AR: variants seen among roughly 807,000 people sequenced by gnomAD.
AR encodes dihydrotestosterone receptor.
Under a neutral mutation model 53.9 loss-of-function variants are expected in AR, and 8 were observed. The observed-to-expected ratio is 0.15, with a 90% CI of 0.09 to 0.27. The LOEUF is 0.27. Among genes scored for constraint, AR ranks in the 10% least tolerant of loss-of-function variants. AR has a pLI of 1.00. For synonymous variants in AR, 359 were observed against 316.4 expected (o/e 1.13, Z -1.43); for missense variants, 639 against 742.5 (o/e 0.86, Z 1.62).
At chrX:67,599,200 A>G (rs1164054231) in intron 1 of AR, among the ~76,000 whole-genome samples, 6 of 112,130 alleles carry the variant, frequency 5.4e-5, no homozygotes, top group African/African-American at 9.7e-5. Flanking sequence ...AATCTAAGTT[A>G]CGTAGGTAAT....
intron 1 of AR, among the ~76,000 whole-genome samples, chrX:67,574,588 T>C (rs1454975756): frequency 9.0e-6 from 1 of 111,572 alleles, no homozygotes; most frequent in Non-Finnish European, 1.9e-5. Context: ...ACTAGCTTTG[T>C]AGCAGAAGTT....
At chrX:67,703,100 A>G (rs1238454258) in intron 3 of AR, among the ~76,000 whole-genome samples, 1 of 111,787 alleles carries the variant, frequency 8.9e-6, no homozygotes, top group Non-Finnish European at 1.9e-5. Context: ...AAACTAAAAA[A>G]AAAGTCAGTT....
At chrX:67,635,330 C>G (rs1367250190) in intron 1 of AR, among the ~76,000 whole-genome samples, 1 of 110,970 alleles carries the variant, frequency 9.0e-6, no homozygotes, top group African/African-American at 3.3e-5. Context: ...ATTATTTCAC[C>G]CAAAGTTCAG....
chrX:67,570,753 A>G (rs758732270), intron 1 of AR, among the ~76,000 whole-genome samples: 10 of 110,826 alleles, frequency 9.0e-5, no homozygotes, highest in Non-Finnish European at 1.1e-4. Context: ...CTTATTTGTG[A>G]TAAGAATTAC....
intron 2 of AR, among the ~76,000 whole-genome samples, chrX:67,684,604 G>A (rs2075955466): frequency 1.8e-5 from 2 of 111,094 alleles, no homozygotes; most frequent in South Asian, 3.8e-4. Context: ...AGGAAGGAAA[G>A]AAGAAAGGAA....
intron 2 of AR, among the ~76,000 whole-genome samples, chrX:67,680,462 GCTT>G (rs2075926515): frequency 8.9e-6 from 1 of 111,829 alleles, no homozygotes; most frequent in Non-Finnish European, 1.9e-5. Context: ...TTGAAATATT[GCTT>G]CTTCTTAGCC....
chrX:67,622,593 C>A (rs1924433602), intron 1 of AR, among the ~76,000 whole-genome samples: 1 of 111,766 alleles, frequency 8.9e-6, no homozygotes, highest in African/African-American at 3.3e-5. Flanking sequence ...AGTAATTGTT[C>A]TATTCATGGT....
chrX:67,600,482 C>T (rs1461943536), intron 1 of AR, among the ~76,000 whole-genome samples: 1 of 110,284 alleles, frequency 9.1e-6, no homozygotes, highest in Non-Finnish European at 1.9e-5. Context: ...TCTGTGGAAT[C>T]TAAAAATCAA....
At chrX:67,603,759 A>G (rs1038155259) in intron 1 of AR, among the ~76,000 whole-genome samples, 1 of 111,715 alleles carries the variant, frequency 9.0e-6, no homozygotes, top group African/African-American at 3.3e-5. Flanking sequence ...AAATTCTAGC[A>G]ATAGTGTAGA....
At chrX:67,554,253 A>G (rs1369158916) in intron 1 of AR, among the ~76,000 whole-genome samples, 2 of 112,124 alleles carry the variant, frequency 1.8e-5, no homozygotes, top group African/African-American at 3.2e-5. Context: ...AGAGGTGACA[A>G]ATGAAATCAC....
At chrX:67,579,365 G>T (rs762226432) in intron 1 of AR, among the ~76,000 whole-genome samples, 4 of 111,141 alleles carry the variant, frequency 3.6e-5, no homozygotes, top group African/African-American at 1.3e-4. Context: ...AGATTGGGTG[G>T]GCAGACACCT....
intron 2 of AR, among the ~76,000 whole-genome samples, chrX:67,671,478 C>G (rs1237607604): frequency 9.4e-6 from 1 of 106,708 alleles, no homozygotes; most frequent in Non-Finnish European, 2.0e-5. Context: ...GTTTAAGTTC[C>G]TTGTCGATTC....
At chrX:67,559,772 C>T (rs1047233249) in intron 1 of AR, among the ~76,000 whole-genome samples, 4 of 111,783 alleles carry the variant, frequency 3.6e-5, no homozygotes, top group African/African-American at 9.8e-5. Flanking sequence ...ACTGCATAAA[C>T]CAAGAGTTGA....
chrX:67,624,204 G>A (rs1384732648), intron 1 of AR, among the ~76,000 whole-genome samples: 2 of 111,625 alleles, frequency 1.8e-5, no homozygotes, highest in Admixed American at 9.5e-5. Context: ...TTCAACGTGC[G>A]ATTTGGATGG....
intron 1 of AR, among the ~76,000 whole-genome samples, chrX:67,631,887 A>C (rs1434176011): frequency 8.9e-6 from 1 of 112,462 alleles, no homozygotes; most frequent in Non-Finnish European, 1.9e-5. Flanking sequence ...GGTCTGTTGG[A>C]GTACCCGGCC....
At position 67,545,188 on chromosome X, in the gene AR, G is replaced by T. The variant is rs747313390; in HGVS notation, c.42G>T (p.Pro14=). 8.3e-7 allele frequency: 1 copy of T among 1,203,997 alleles called. No individual in the cohort carries two copies. The highest frequency in any genetic ancestry group is 1.1e-6 in the Non-Finnish European group (1 of 892,838). Residue 14 remains proline (P), a synonymous_variant, in exon 1 of 8, where the codon CCG becomes CCT. Transcript: ENST00000374690. ...GGCTGGGAAGGGTCTACCCTCGGCC[G>T]CCGTCCAAGACCTACCGAGGAGCTT... ...QLGLGRVYPR[P]PSKTYRGAFQ...
chrX:67,631,872 C>G (rs1439958399), intron 1 of AR, among the ~76,000 whole-genome samples: 1 of 112,450 alleles, frequency 8.9e-6, no homozygotes, highest in East Asian at 2.8e-4. Context: ...GGACCCTCAG[C>G]TGCAGGTCTG....
Position 67,546,949 on chromosome X carries a change from T to G in AR, c.1616+187T>G, listed in dbSNP as rs926581010. 4.5e-5 allele frequency among the ~76,000 whole-genome samples: 5 copies of G among 110,034 alleles called. No homozygotes were observed. In the Admixed American group the frequency reaches 4.8e-4, roughly 11 times the overall value. The stretch of plus-strand genomic sequence containing the variant: ...AGGTTTAACCTGAGCTCTCCTAATT[T>G]CTGCTGCGTGCCCTGGGTGCTGATT... On this transcript the variant is annotated intron_variant, in intron 1 of 7. Coordinates refer to ENST00000374690, the MANE Select transcript of AR (RefSeq NM_000044.6).
chrX:67,644,159 C>T (rs748422188), intron 2 of AR, among the ~76,000 whole-genome samples: 75 of 112,145 alleles, frequency 6.7e-4, no homozygotes, highest in Admixed American at 8.5e-4. Flanking sequence ...AGCCCACATT[C>T]TGCAGTAGAA....
Sources: gnomAD v4.1 joint callset for allele counts (sites outside exome capture counted in the v4.1 genomes callset) on GRCh38, gnomAD v4.1.1 for gene constraint, MANE v1.5 for transcripts, NCBI Gene and HGNC (gene_info 2026-07-23, HGNC 2026-07-21) for gene names.